The following CACNA1C variants were observed in gnomAD, a reference collection of about 807,000 sequenced individuals.
The protein encoded by CACNA1C is voltage-dependent L-type calcium channel subunit alpha-1C.
Under a neutral mutation model 229.0 loss-of-function variants are expected in CACNA1C, and 30 were observed. The observed-to-expected ratio is 0.13, with a 90% CI of 0.10 to 0.18. The LOEUF is 0.18. Among genes scored for constraint, CACNA1C ranks in the 10% least tolerant of loss-of-function variants. The probability of loss-of-function intolerance (pLI) is 1.00; values close to 1 mark genes in which losing one functional copy is unlikely to be tolerated. For missense variants in CACNA1C, 1,658 were observed against 2,845.0 expected (o/e 0.58, Z 9.49); for synonymous variants, 1,114 against 1,132.5 (o/e 0.98, Z 0.33).
At chr12:2,228,420 T>C (rs2063677381) in intron 3 of CACNA1C, among the ~76,000 whole-genome samples, 1 of 152,232 alleles carries the variant, frequency 6.6e-6, no homozygotes, top group African/African-American at 2.4e-5. Context: ...GCTCCAAATG[T>C]CCTGATCTGA....
chr12:2,459,029 C>A (rs2099471901), intron 5 of CACNA1C, among the ~76,000 whole-genome samples: 1 of 138,046 alleles, frequency 7.2e-6, no homozygotes, highest in Non-Finnish European at 1.5e-5. Context: ...TGTCCCCAGG[C>A]TGGAGTACAG....
intron 9 of CACNA1C, among the ~76,000 whole-genome samples, chr12:2,544,921 T>C (rs1394128617): frequency 6.6e-6 from 1 of 152,192 alleles, no homozygotes; most frequent in East Asian, 1.9e-4. Flanking sequence ...CATTGCAGTT[T>C]TTGGTGCATC....
intron 3 of CACNA1C, among the ~76,000 whole-genome samples, chr12:2,270,247 G>A (rs1166979149): frequency 6.6e-6 from 1 of 152,200 alleles, no homozygotes; most frequent in South Asian, 2.1e-4. Context: ...GTATTCCATC[G>A]TCAAGACTAG....
Position 2,593,252 on chromosome 12 carries a change from C to G in CACNA1C, c.2570C>G (p.Pro857Arg), listed in dbSNP as rs750835733. The G allele has an allele frequency of 6.2e-7, 1 of 1,613,758 alleles. No individual in the cohort carries two copies. The highest frequency in any genetic ancestry group is 1.7e-5 in the Admixed American group (1 of 60,006). The change falls in exon 19 of 47, where the codon CCT (proline) becomes CGT (arginine). Residue 857 changes from proline to arginine, a missense_variant. Pro to Arg is a moderately radical substitution (Grantham distance 103). Around this residue, in one of 20 missense-constraint regions of CACNA1C, gnomAD observed 121 missense variants for 128.8 expected, o/e 0.94. Transcript: ENST00000399655. ...GAGGAGCCAGAGATGCCTGTCGGCC[C>G]TCGCCCACGACCACTCTCTGAGCTT... ...DEEEPEMPVG[P>R]RPRPLSELHL...
intron 1 of CACNA1C, among the ~76,000 whole-genome samples, chr12:2,042,713 G>T (rs892259656): frequency 6.6e-6 from 1 of 152,188 alleles, no homozygotes; most frequent in African/African-American, 2.4e-5. Flanking sequence ...GAAGCGGCAG[G>T]TGGGCTCCAG....
At chr12:2,591,425 A>C (rs2065257216) in intron 18 of CACNA1C, among the ~76,000 whole-genome samples, 1 of 152,218 alleles carries the variant, frequency 6.6e-6, no homozygotes, top group Non-Finnish European at 1.5e-5. Flanking sequence ...TTCTAGTGCC[A>C]GGCAAAGCTT....
Position 2,610,691 on chromosome 12 carries a change from G to A in CACNA1C, c.3709G>A (p.Ala1237Thr). The change falls in exon 28 of 47, where the codon GCC (alanine) becomes ACC (threonine). Residue 1237 changes from alanine to threonine, a missense_variant. Ala to Thr is a moderately conservative substitution (Grantham distance 58). Around this residue, in one of 20 missense-constraint regions of CACNA1C, gnomAD observed 67 missense variants for 106.4 expected, o/e 0.63. Coordinates refer to ENST00000399655, the MANE Select transcript of CACNA1C (RefSeq NM_000719.7). ...CATCCTGCTCAACACCATCTGCCTG[G>A]CCATGCAGGTCAGTCCCAGGAGGAG... ...VLILLNTICL[A>T]MQHYGQSCLF... 6.2e-7 allele frequency: 1 copy of A among 1,614,230 alleles called. No homozygotes were observed. Among genetic ancestry groups the A allele is most frequent in the Non-Finnish European group, 8.5e-7 (1 of 1,180,026 alleles).
intron 12 of CACNA1C, 58 bp from the exon 13 acceptor site, chr12:2,567,511 C>T (rs2051824470): frequency 2.0e-6 from 2 of 1,024,768 alleles, no homozygotes; most frequent in Admixed American, 4.5e-5. Context: ...CTTTCCCTGC[C>T]TCCCTCTCTG....
chr12:2,676,188 T>G (rs1337313665), intron 39 of CACNA1C: 1 of 152,194 alleles, frequency 6.6e-6, no homozygotes. Context: ...TGTCCCACCA[T>G]GCAGTTCTTC....
intron 1 of CACNA1C, among the ~76,000 whole-genome samples, chr12:2,093,382 C>G (rs2072245492): frequency 6.6e-6 from 1 of 152,196 alleles, no homozygotes; most frequent in Non-Finnish European, 1.5e-5. Flanking sequence ...TGTGAGGCCA[C>G]ATAGTGGAAT....
At chr12:2,246,343 G>T (rs2073212224) in intron 3 of CACNA1C, among the ~76,000 whole-genome samples, 1 of 152,162 alleles carries the variant, frequency 6.6e-6, no homozygotes, top group Non-Finnish European at 1.5e-5. Flanking sequence ...GCTGAATTCT[G>T]AGCAGGAAAG....
chr12:1,986,065 G>T (rs543753012), intron 1 of CACNA1C, among the ~76,000 whole-genome samples: 1 of 152,164 alleles, frequency 6.6e-6, no homozygotes, highest in Non-Finnish European at 1.5e-5. Context: ...TGCCCGCCTT[G>T]GCCTCCCAAA....
chr12:2,126,729 G>A (rs1813123186), intron 3 of CACNA1C, among the ~76,000 whole-genome samples: 1 of 152,182 alleles, frequency 6.6e-6, no homozygotes, highest in South Asian at 2.1e-4. Flanking sequence ...TGTCAGATTT[G>A]CCCATTTATT....
intron 3 of CACNA1C, chr12:2,222,470 C>T (rs2061718105): frequency 6.6e-6 from 1 of 152,110 alleles, no homozygotes; most frequent in Non-Finnish European, 1.5e-5. Context: ...AAGAATAATG[C>T]TTTCACGGAG....
At position 2,331,388 on chromosome 12, in the gene CACNA1C, T is replaced by A. The variant is rs557322608; in HGVS notation, c.478-117588T>A. On this transcript the variant is annotated intron_variant, in intron 3 of 46. Coordinates refer to ENST00000399655, the MANE Select transcript of CACNA1C (RefSeq NM_000719.7). ...ATCTAGATTTTGGTTTCTAATATTG[T>A]GCTTTACTGAAAGGAATCAAAGGCA... is the stretch of plus-strand genomic sequence containing the variant. Among the ~76,000 whole-genome samples, 66 of 152,330 alleles carry A rather than the reference T, an allele frequency of 4.3e-4. 2 individuals are homozygous for A. Among genetic ancestry groups the A allele is most frequent in the Middle Eastern group, 6.8e-3 (2 of 294 alleles).
intron 1 of CACNA1C, chr12:2,004,561 T>C (rs2043007851): frequency 7.4e-7 from 1 of 1,346,834 alleles, no homozygotes; most frequent in Non-Finnish European, 9.9e-7. Context: ...CCGGCTCCAG[T>C]CACCCCCACC....
chr12:2,209,465 G>C (rs562666555), intron 3 of CACNA1C, among the ~76,000 whole-genome samples: 3 of 152,298 alleles, frequency 2.0e-5, no homozygotes, highest in South Asian at 2.1e-4. Flanking sequence ...GCGAGGGAGT[G>C]GGGGAGGCAC....
intron 5 of CACNA1C, among the ~76,000 whole-genome samples, chr12:2,463,694 A>G (rs937854576): frequency 2.6e-5 from 4 of 152,182 alleles, no homozygotes; most frequent in Admixed American, 2.6e-4. Context: ...GTGGCCCTGG[A>G]GATGCACACT....
chr12:2,049,311 A>G (rs987970349), upstream of CACNA1C: 1 of 152,208 alleles, frequency 6.6e-6, no homozygotes, highest in African/African-American at 2.4e-5. Flanking sequence ...GATAAAAGCA[A>G]TTCCTTCACA....
Sources: gnomAD v4.1 joint callset for allele counts (sites outside exome capture counted in the v4.1 genomes callset) on GRCh38, gnomAD v4.1.1 for gene constraint, gnomAD v4.1.1 regional missense constraint, MANE v1.5 for transcripts, NCBI Gene and HGNC (gene_info 2026-07-23, HGNC 2026-07-21) for gene names.